The following LHFPL3 variants were observed in gnomAD, a reference collection of about 807,000 sequenced individuals.
LHFPL3 encodes LHFPL tetraspan subfamily member 3, also known as LHFPL tetraspan subfamily member 3 protein.
A neutral mutation model predicts 19.3 loss-of-function variants in LHFPL3; 5 were observed. The ratio of observed to expected loss-of-function variants is 0.26; its 90% CI spans 0.14 to 0.54. The LOEUF is 0.54. LHFPL3 is among the 20% of genes least tolerant of loss of function. LHFPL3 has a pLI of 0.94. For synonymous variants in LHFPL3, 133 were observed against 126.2 expected (o/e 1.05, Z -0.36); for missense variants, 249 against 307.4 (o/e 0.81, Z 1.42).
At chr7:104,629,962 C>T (rs1244791983) in intron 1 of LHFPL3, among the ~76,000 whole-genome samples, 8 of 152,172 alleles carry the variant, frequency 5.3e-5, no homozygotes, top group African/African-American at 1.7e-4. Flanking sequence ...GATGTCAGCA[C>T]ATCATTTGTC....
chr7:104,470,513 C>G (rs955710395), intron 1 of LHFPL3, among the ~76,000 whole-genome samples: 3 of 152,194 alleles, frequency 2.0e-5, no homozygotes, highest in Non-Finnish European at 4.4e-5. Context: ...TGTCCACGAA[C>G]AGTACCAGCA....
At chr7:104,827,151 A>G (rs1345345090) in intron 2 of LHFPL3, among the ~76,000 whole-genome samples, 1 of 151,988 alleles carries the variant, frequency 6.6e-6, no homozygotes, top group African/African-American at 2.4e-5. Flanking sequence ...TTTTACCACT[A>G]TCAATGTGAG....
At chr7:104,835,833 G>A (rs1456904592) in intron 2 of LHFPL3, among the ~76,000 whole-genome samples, 1 of 151,792 alleles carries the variant, frequency 6.6e-6, no homozygotes, top group Non-Finnish European at 1.5e-5. Flanking sequence ...GTATACATGT[G>A]CTATGGTGGT....
At chr7:104,768,169 G>T (rs1490978606) in intron 2 of LHFPL3, among the ~76,000 whole-genome samples, 1 of 147,554 alleles carries the variant, frequency 6.8e-6, no homozygotes, top group African/African-American at 2.5e-5. Context: ...CAAGAACATT[G>T]CCTCTGCTTT....
intron 2 of LHFPL3, among the ~76,000 whole-genome samples, chr7:104,876,709 T>G (rs950981764): frequency 3.3e-5 from 5 of 151,922 alleles, no homozygotes; most frequent in African/African-American, 1.2e-4. Flanking sequence ...ACTGTGGAAG[T>G]CAGTGTGGCG....
chr7:104,369,000 G>T (rs1307568968), intron 1 of LHFPL3, among the ~76,000 whole-genome samples: 1 of 152,102 alleles, frequency 6.6e-6, no homozygotes. Context: ...TCTTATGAGG[G>T]TTACATCATT....
At chr7:104,495,584 C>T (rs1260619215) in intron 1 of LHFPL3, among the ~76,000 whole-genome samples, 2 of 152,140 alleles carry the variant, frequency 1.3e-5, no homozygotes, top group Non-Finnish European at 2.9e-5. Flanking sequence ...GGGGTTTCAC[C>T]ATGTTAGCCA....
At chr7:104,631,319 T>C (rs188111131) in intron 1 of LHFPL3, among the ~76,000 whole-genome samples, 12 of 152,208 alleles carry the variant, frequency 7.9e-5, no homozygotes, top group Middle Eastern at 3.4e-3. Flanking sequence ...CCATATTCAC[T>C]ATGCTTTTTA....
At chr7:104,381,430 T>C (rs560625692) in intron 1 of LHFPL3, among the ~76,000 whole-genome samples, 2 of 152,320 alleles carry the variant, frequency 1.3e-5, no homozygotes, top group African/African-American at 2.4e-5. Context: ...TATCTCTTTA[T>C]TGTACATGAT....
chr7:104,390,380 A>C (rs56120430), intron 1 of LHFPL3, among the ~76,000 whole-genome samples: 86,564 of 149,438 alleles, frequency 0.58, 25,804 homozygotes, highest in African/African-American at 0.72. Flanking sequence ...GTGTTCCCCA[A>C]CCTGTGTCCA....
chr7:104,465,666 C>T (rs1792766437), intron 1 of LHFPL3, among the ~76,000 whole-genome samples: 1 of 152,196 alleles, frequency 6.6e-6, no homozygotes, highest in Non-Finnish European at 1.5e-5. Flanking sequence ...TGTGAGAACT[C>T]ACTCACTATC....
rs376546691 is a variant in LHFPL3, at chr7:104,331,949, C to CAA, written c.445+2736_445+2737dup. On this transcript the variant is annotated intron_variant, in intron 1 of 2. Transcript: ENST00000424859. ...TGGGAAACAGAGCGAGACCCCATCT[C>CAA]AAAAAAAAAAAAGAAAAAGAAAGTT... Among the ~76,000 whole-genome samples the CAA allele has an allele frequency of 3.7e-3, 487 of 131,466 alleles. 3 individuals carry two copies. Among genetic ancestry groups the CAA allele is most frequent in the African/African-American group, 0.013 (466 of 35,812 alleles). The allele number at this position is 131,466 out of a possible 152,430, so 86.2% of individuals were successfully genotyped here. A position where few individuals can be genotyped will look rare whatever the true frequency, so the allele number is the denominator to read the frequency against.
At chr7:104,870,720 C>T (rs1445262218) in intron 2 of LHFPL3, among the ~76,000 whole-genome samples, 1 of 152,152 alleles carries the variant, frequency 6.6e-6, no homozygotes, top group African/African-American at 2.4e-5. Context: ...AAGTTTTCCC[C>T]GTGGACTCTG....
At chr7:104,584,163 A>G (rs1020553957) in intron 1 of LHFPL3, among the ~76,000 whole-genome samples, 6 of 152,182 alleles carry the variant, frequency 3.9e-5, no homozygotes, top group African/African-American at 1.2e-4. Flanking sequence ...TTGTAGGGAC[A>G]TGGATGAAGC....
chr7:104,574,024 T>C (rs1183094614), intron 1 of LHFPL3, among the ~76,000 whole-genome samples: 10 of 152,184 alleles, frequency 6.6e-5, no homozygotes, highest in African/African-American at 2.4e-4. Context: ...AGCTTGGAAA[T>C]ATTTACTGCT....
At chr7:104,654,372 G>A (rs930387141) in intron 1 of LHFPL3, among the ~76,000 whole-genome samples, 4 of 152,158 alleles carry the variant, frequency 2.6e-5, no homozygotes, top group African/African-American at 9.7e-5. Flanking sequence ...TAGATGAGCT[G>A]CCAGAAATTA....
intron 1 of LHFPL3, among the ~76,000 whole-genome samples, chr7:104,651,759 A>C (rs1562958379): frequency 6.6e-6 from 1 of 152,228 alleles, no homozygotes; most frequent in East Asian, 1.9e-4. Flanking sequence ...CCCATGAAGC[A>C]CATCAGAGCG....
At chr7:104,363,339 C>T (rs922485057) in intron 1 of LHFPL3, among the ~76,000 whole-genome samples, 2 of 152,190 alleles carry the variant, frequency 1.3e-5, no homozygotes, top group Admixed American at 6.5e-5. Flanking sequence ...CAGCCTCTTT[C>T]TCTGTTGGTA....
chr7:104,400,085 C>A, intron 1 of LHFPL3, among the ~76,000 whole-genome samples: 1 of 80,114 alleles, frequency 1.2e-5, no homozygotes, highest in East Asian at 4.2e-4. Context: ...GCCTGGGTGA[C>A]AAGATCAAAA....
Sources: gnomAD v4.1 joint callset for allele counts (sites outside exome capture counted in the v4.1 genomes callset) on GRCh38, gnomAD v4.1.1 for gene constraint, MANE v1.5 for transcripts, NCBI Gene and HGNC (gene_info 2026-07-23, HGNC 2026-07-21) for gene names.